The following ELP6 variants were observed in gnomAD, a reference collection of about 807,000 sequenced individuals.
ELP6 encodes the protein elongator acetyltransferase complex subunit 6.
ELP6 carries 23 observed loss-of-function variants against 28.1 expected under a neutral mutation model. The observed-to-expected ratio is 0.82, with a 90% CI of 0.59 to 1.16. ELP6 has a LOEUF of 1.16. ELP6 is among the 50% of genes most tolerant of loss of function. The pLI is 0.00. For missense variants in ELP6, 313 were observed against 334.6 expected, an observed-to-expected ratio of 0.94 and a Z score of 0.50; for synonymous variants, 132 against 135.8, an observed-to-expected ratio of 0.97 and a Z score of 0.19.
intron 6 of ELP6, 41 bp from the exon 7 acceptor site, chr3:47,496,238 A>G (rs1708476315): frequency 3.7e-6 from 6 of 1,605,546 alleles, no homozygotes; most frequent in Non-Finnish European, 5.1e-6. Flanking sequence ...CAGCCACCCC[A>G]GGACCTGCTC....
At chr3:47,510,286 C>G (rs555482652) in intron 2 of ELP6, 32 bp from the exon 3 acceptor site, 1 of 1,586,710 alleles carries the variant, frequency 6.3e-7, no homozygotes, top group Admixed American at 1.7e-5. Context: ...TTAAATAAAT[C>G]CTCTGGTTAC....
intron 2 of ELP6, 126 bp from the exon 3 acceptor site, chr3:47,510,380 C>T (rs1325572238): frequency 1.3e-5 from 9 of 667,418 alleles, no homozygotes; most frequent in African/African-American, 5.5e-5. Context: ...ACCTGACATA[C>T]GCAATTTGAT....
chr3:47,502,751 G>A (rs925653461), intron 4 of ELP6, among the ~76,000 whole-genome samples: 4 of 151,936 alleles, frequency 2.6e-5, no homozygotes, highest in African/African-American at 9.7e-5. Context: ...GAGAAGAGAG[G>A]AGTGCTTGAG....
intron 3 of ELP6, among the ~76,000 whole-genome samples, chr3:47,507,361 C>A (rs1288100854): frequency 4.7e-5 from 5 of 106,926 alleles, no homozygotes; most frequent in African/African-American, 1.4e-4. Context: ...AACTCTGTCT[C>A]AAAAAAAAAA....
intron 3 of ELP6, among the ~76,000 whole-genome samples, chr3:47,507,673 T>TTA (rs1708882012): frequency 6.6e-6 from 1 of 151,702 alleles, no homozygotes; most frequent in Non-Finnish European, 1.5e-5. Context: ...ATGTAACTCT[T>TTA]TAGACTTTCC....
chr3:47,511,993 G>C, intron 1 of ELP6: 1 of 985,044 alleles, frequency 1.0e-6, no homozygotes, highest in Non-Finnish European at 1.2e-6. Flanking sequence ...GTTACCCCTA[G>C]TGCTGTCATT....
intron 1 of ELP6, chr3:47,512,962 A>G: frequency 1.0e-6 from 1 of 977,986 alleles, no homozygotes; most frequent in Non-Finnish European, 1.2e-6. Context: ...ATATAACCCA[A>G]CCCCACTGTC....
intron 3 of ELP6, among the ~76,000 whole-genome samples, chr3:47,505,147 A>G (rs1296594859): frequency 1.3e-5 from 2 of 151,542 alleles, no homozygotes; most frequent in Non-Finnish European, 2.9e-5. Context: ...GGCGCCTGCA[A>G]TCCCAGCTAC....
At position 47,504,341 on chromosome 3, in the gene ELP6, C is replaced by T; in HGVS notation, c.312G>A (p.Leu104=). Residue 104 remains leucine, a synonymous_variant, in exon 4 of 7, where the codon CTG becomes CTA. Transcript: ENST00000296149. ...GTAGGCTGACTGACCTGAGAAACTG[C>T]AGGGGGTGTGGCTCCTTTTGAGCCT... is the stretch of plus-strand genomic sequence containing the variant. The part of the protein sequence containing the change: ...VFQAQKEPHP[L]QFLREANAGN... 3 of 1,606,568 alleles carry T rather than the reference C, an allele frequency of 1.9e-6. No homozygotes were observed. Among genetic ancestry groups the T allele is most frequent in the Non-Finnish European group, 2.6e-6 (3 of 1,175,872 alleles).
intron 6 of ELP6, among the ~76,000 whole-genome samples, chr3:47,497,682 T>TG (rs925355210): frequency 2.1e-4 from 31 of 150,338 alleles, no homozygotes; most frequent in Non-Finnish European, 3.7e-4. Flanking sequence ...CCCAGCACTT[T>TG]GGGAAGCAAA....
chr3:47,504,109 C>G (rs574090399), intron 4 of ELP6: 5 of 506,214 alleles, frequency 9.9e-6, no homozygotes, highest in African/African-American at 9.8e-5. Flanking sequence ...TGCCATCCTT[C>G]CAGCAAATGA....
At position 47,501,503 on chromosome 3, in the gene ELP6, AG is replaced by A. The variant is rs147094636; in HGVS notation, c.525+146del. 2.1e-3 allele frequency: 1,516 copies of A among 718,224 alleles called. 19 individuals are homozygous for A. In the African/African-American group the frequency reaches 0.025, roughly 12 times the overall value. 44.5% of individuals were successfully genotyped at this position (718,224 alleles called of 1,614,324 possible). A position where few individuals can be genotyped will look rare whatever the true frequency, so the allele number is the denominator to read the frequency against. ...TCAGCAATGGCAGGTAAGGGAAAAC[AG>A]GGTGGCTGCAAAAGCTTTCTGGGCC... On this transcript the variant is annotated intron_variant, in intron 5 of 6. Transcript: ENST00000296149.
chr3:47,513,300 G>A, intron 1 of ELP6: 1 of 1,349,914 alleles, frequency 7.4e-7, no homozygotes, highest in Non-Finnish European at 9.5e-7. Flanking sequence ...CCGCTTCCCA[G>A]GGACTTTTAA....
At position 47,498,299 on chromosome 3, in the gene ELP6, T is replaced by A; in HGVS notation, c.659A>T (p.Asp220Val). The A allele has an allele frequency of 6.2e-7, 1 of 1,613,492 alleles. No individual in the cohort carries two copies. Among genetic ancestry groups the A allele is most frequent in the Admixed American group, 1.7e-5 (1 of 60,020 alleles). The change falls in exon 6 of 7, where the codon GAT becomes GTT. Residue 220 changes from aspartate (D) to valine (V), a missense_variant. Physicochemically the swap from Asp to Val is radical, Grantham distance 152. Coordinates refer to ENST00000296149, the MANE Select transcript of ELP6 (RefSeq NM_001031703.3). ...AEGLATGFCR[D>V]VHGQLRILWR... is the part of the protein sequence containing the mutation. Reference sequence around the variant, plus strand: ...GCCCCTGCATACCTGCCCGTGCACATCCCTGCAGAAGCCAGTGGCCAGGCC... The same window carrying A: ...GCCCCTGCATACCTGCCCGTGCACAACCCTGCAGAAGCCAGTGGCCAGGCC...
chr3:47,509,367 T>C (rs1037258197), intron 3 of ELP6, among the ~76,000 whole-genome samples: 1 of 152,226 alleles, frequency 6.6e-6, no homozygotes, highest in African/African-American at 2.4e-5. Context: ...TCAGCTTCCA[T>C]TCACAGGCAG....
At chr3:47,513,197 G>T in intron 1 of ELP6, 2 of 1,079,316 alleles carry the variant, frequency 1.9e-6, no homozygotes, top group African/African-American at 1.7e-5. Flanking sequence ...TCACCATCTT[G>T]GCCAGACTTG....
intron 3 of ELP6, 42 bp from the exon 4 acceptor site, chr3:47,504,490 G>A (rs1391950560): frequency 1.3e-6 from 2 of 1,549,652 alleles, no homozygotes; most frequent in Non-Finnish European, 1.7e-6. Context: ...CCTTGTAGGG[G>A]AACCCATCAG....
At chr3:47,512,780 A>G (rs2029892054) in intron 1 of ELP6, 1 of 942,870 alleles carries the variant, frequency 1.1e-6, no homozygotes, top group South Asian at 4.9e-5. Flanking sequence ...GCAGCGTTCA[A>G]TACAATGTGC....
rs912105586 is a variant in ELP6 at position 47,500,285 on chromosome 3, A to T, written c.525+1365T>A. The T allele has an allele frequency of 3.9e-6, 4 of 1,033,254 alleles. No individual in the cohort carries two copies. In the Admixed American group the frequency reaches 1.7e-4, roughly 43 times the overall value. 64.0% of individuals were successfully genotyped at this position (1,033,254 alleles called of 1,614,324 possible). On this transcript the variant is annotated intron_variant, in intron 5 of 6. Transcript: ENST00000296149. ...CAGTAATGTGAAGAAAAATGCAGGG[A>T]GACAAATATGTGCATATACTTTGAG...
Sources: allele counts gnomAD v4.1 joint callset (sites outside exome capture counted in the v4.1 genomes callset), GRCh38; gene constraint gnomAD v4.1.1; transcripts MANE v1.5; gene names NCBI Gene and HGNC (gene_info 2026-07-23, HGNC 2026-07-21).